Variants in HSD17B12 observed in about 807,000 individuals in gnomAD.
HSD17B12 encodes the protein hydroxysteroid 17-beta dehydrogenase 12, also known as very-long-chain 3-oxoacyl-CoA reductase.
In HSD17B12, 32 loss-of-function variants were observed where a neutral mutation model predicts 39.3. That is an observed-to-expected ratio of 0.81 (90% CI 0.61 to 1.09). The LOEUF is 1.09. Among genes scored for constraint, HSD17B12 ranks in the 50% least tolerant of loss-of-function variants. The pLI is 0.00. For synonymous variants in HSD17B12, 150 were observed against 146.7 expected (o/e 1.02, Z -0.16); for missense variants, 342 against 382.9 (o/e 0.89, Z 0.89).
intron 1 of HSD17B12, among the ~76,000 whole-genome samples, chr11:43,736,666 A>G (rs1950319262): frequency 6.6e-6 from 1 of 152,216 alleles, no homozygotes. Flanking sequence ...TGATTAGGAG[A>G]ACAAGTTAGA....
intron 9 of HSD17B12, among the ~76,000 whole-genome samples, chr11:43,845,903 A>G (rs1326235902): frequency 6.6e-6 from 1 of 152,244 alleles, no homozygotes; most frequent in Non-Finnish European, 1.5e-5. Flanking sequence ...AACCTGCCTC[A>G]TAAAGAGATT....
At chr11:43,752,707 C>G (rs1365965896) in intron 2 of HSD17B12, among the ~76,000 whole-genome samples, 1 of 151,606 alleles carries the variant, frequency 6.6e-6, no homozygotes, top group African/African-American at 2.4e-5. Context: ...GAGCAAGACT[C>G]TGTCTCAAAA....
chr11:43,855,530 T>TA lies in HSD17B12; in HGVS notation c.*283dup, dbSNP rs1450618389. The stretch of plus-strand genomic sequence containing the variant: ...CACCTAATAGAAAGGAATACTATTA[T>TA]AGCAAATCACAGAATGATAGACTCA... On this transcript the variant is annotated 3_prime_UTR_variant, in exon 11 of 11. Coordinates refer to ENST00000278353, the MANE Select transcript of HSD17B12 (RefSeq NM_016142.3). The TA allele has an allele frequency of 1.1e-5, 2 of 180,362 alleles. No homozygotes were observed. Among genetic ancestry groups the TA allele is most frequent in the Non-Finnish European group, 2.3e-5 (2 of 87,332 alleles). The allele number at this position is 180,362 out of a possible 1,614,324, so 11.2% of individuals were successfully genotyped here.
At chr11:43,767,351 T>A (rs1950605093) in intron 3 of HSD17B12, among the ~76,000 whole-genome samples, 1 of 152,204 alleles carries the variant, frequency 6.6e-6, no homozygotes, top group African/African-American at 2.4e-5. Context: ...GGTACAACCT[T>A]CAGCTATAAA....
upstream of HSD17B12, among the ~76,000 whole-genome samples, chr11:43,677,995 G>C (rs1949705887): frequency 6.6e-6 from 1 of 152,332 alleles, no homozygotes; most frequent in African/African-American, 2.4e-5. Flanking sequence ...CTAGATCCTT[G>C]AGGAATCACC....
At chr11:43,704,570 C>T (rs1949996785) in intron 1 of HSD17B12, among the ~76,000 whole-genome samples, 1 of 152,156 alleles carries the variant, frequency 6.6e-6, no homozygotes, top group African/African-American at 2.4e-5. Context: ...TGTATAGGTA[C>T]TGTGTAATCA....
chr11:43,589,740 G>A, the HSD17B12 span, among the ~76,000 whole-genome samples: 2 of 152,162 alleles, frequency 1.3e-5, no homozygotes, highest in African/African-American at 2.4e-5. Flanking sequence ...GAATGATGAA[G>A]GCAGCATTGG....
chr11:43,585,895 T>C, the HSD17B12 span, among the ~76,000 whole-genome samples: 805 of 152,346 alleles, frequency 5.3e-3, 10 homozygotes, highest in African/African-American at 0.018. Flanking sequence ...CTTCTAATTA[T>C]GTTTGAAAAA....
chr11:43,559,929 A>G, the HSD17B12 span, among the ~76,000 whole-genome samples: 1 of 152,204 alleles, frequency 6.6e-6, no homozygotes, highest in Non-Finnish European at 1.5e-5. Context: ...CACAAAATGA[A>G]CACGTAGGGC....
chr11:43,605,529 C>G, the HSD17B12 span, among the ~76,000 whole-genome samples: 1 of 150,584 alleles, frequency 6.6e-6, no homozygotes, highest in Non-Finnish European at 1.5e-5. Context: ...CCATTGCACT[C>G]CAGCCTGGGC....
At chr11:43,619,647 C>T in the HSD17B12 span, among the ~76,000 whole-genome samples, 4 of 152,110 alleles carry the variant, frequency 2.6e-5, no homozygotes, top group African/African-American at 7.2e-5. Flanking sequence ...CCACCTCAGC[C>T]TCCCAGAGTG....
the HSD17B12 span, chr11:43,645,392 T>TC: frequency 6.6e-6 from 1 of 152,248 alleles, no homozygotes; most frequent in Non-Finnish European, 1.5e-5. Flanking sequence ...AAAAGCTTTT[T>TC]CCCACAAGTA....
Position 43,754,041 on chromosome 11 carries a change from T to TA in HSD17B12, c.208-5_208-4insA. The TA allele has an allele frequency of 6.2e-7, 1 of 1,603,138 alleles. No homozygotes were observed. Among genetic ancestry groups the TA allele is most frequent in the Non-Finnish European group, 8.5e-7 (1 of 1,170,924 alleles). On this transcript the variant is annotated splice_region_variant and splice_polypyrimidine_tract_variant and intron_variant, in intron 2 of 10. Transcript: ENST00000278353. ...GTGTGATTCAAATCTCCTTTACTGT[T>TA]TCAGTTAGCAAAGCATGGAATGAAG...
chr11:43,776,938 G>A (rs1383970171), intron 3 of HSD17B12, among the ~76,000 whole-genome samples: 1 of 152,084 alleles, frequency 6.6e-6, no homozygotes, highest in African/African-American at 2.4e-5. Flanking sequence ...TTATTTCTGA[G>A]GGCTCTGTTC....
At chr11:43,566,176 G>T in the HSD17B12 span, among the ~76,000 whole-genome samples, 6 of 151,968 alleles carry the variant, frequency 3.9e-5, no homozygotes, top group Admixed American at 3.9e-4. Flanking sequence ...TTAGCATTGA[G>T]TGGGATGATG....
At chr11:43,558,680 T>C in the HSD17B12 span, among the ~76,000 whole-genome samples, 1 of 151,914 alleles carries the variant, frequency 6.6e-6, no homozygotes. Flanking sequence ...ACTGGGCTGG[T>C]AGTTGAGAAG....
the HSD17B12 span, among the ~76,000 whole-genome samples, chr11:43,602,182 C>T: frequency 6.6e-6 from 1 of 152,178 alleles, no homozygotes; most frequent in African/African-American, 2.4e-5. Flanking sequence ...AGCCGATCTA[C>T]AGTTTAAAAT....
At chr11:43,751,620 C>A (rs1201837064) in intron 2 of HSD17B12, among the ~76,000 whole-genome samples, 1 of 152,122 alleles carries the variant, frequency 6.6e-6, no homozygotes, top group Admixed American at 6.6e-5. Context: ...CTCAAAAGGT[C>A]TTTTTGTTAA....
chr11:43,643,036 A>C, the HSD17B12 span, among the ~76,000 whole-genome samples: 2 of 152,108 alleles, frequency 1.3e-5, no homozygotes, highest in African/African-American at 2.4e-5. Flanking sequence ...TTTGAAATTC[A>C]TGATACATTT....
Sources: gnomAD v4.1 joint callset for allele counts (sites outside exome capture counted in the v4.1 genomes callset) on GRCh38, gnomAD v4.1.1 for gene constraint, MANE v1.5 for transcripts, NCBI Gene and HGNC (gene_info 2026-07-23, HGNC 2026-07-21) for gene names.